Variants in CACNA1B observed in about 807,000 individuals in gnomAD.
CACNA1B encodes the protein voltage-dependent N-type calcium channel subunit alpha-1B.
CACNA1B carries 70 observed loss-of-function variants against 247.2 expected under a neutral mutation model. That is an observed-to-expected ratio of 0.28 (90% CI 0.23 to 0.35). The LOEUF (loss-of-function observed/expected upper bound fraction) is 0.35. Among genes scored for constraint, CACNA1B ranks in the 10% least tolerant of loss-of-function variants. CACNA1B has a pLI of 1.00. For missense variants in CACNA1B, 2,367 were observed against 3,197.4 expected, an observed-to-expected ratio of 0.74 and a Z score of 6.26; for synonymous variants, 1,231 against 1,294.4, an observed-to-expected ratio of 0.95 and a Z score of 1.05.
At chr9:137,995,503 C>T (rs1282129240) in intron 15 of CACNA1B, among the ~76,000 whole-genome samples, 1 of 152,152 alleles carries the variant, frequency 6.6e-6, no homozygotes, top group Non-Finnish European at 1.5e-5. Context: ...GAAACTGGAT[C>T]CTCATCTCTC....
intron 22 of CACNA1B, 46 bp downstream of exon 22, chr9:138,047,079 A>T: frequency 6.4e-7 from 1 of 1,550,932 alleles, no homozygotes; most frequent in Non-Finnish European, 8.7e-7. Flanking sequence ...GTGGCGGGGG[A>T]GCTGGGTGCC....
intron 45 of CACNA1B, 105 bp downstream of exon 45, chr9:138,120,477 C>A (rs1962047663): frequency 4.3e-6 from 6 of 1,393,758 alleles, no homozygotes; most frequent in Non-Finnish European, 5.8e-6. Flanking sequence ...CTCGTGACCC[C>A]ATAACCAGCC....
chr9:138,115,903 CAG>C (rs1336535873), intron 42 of CACNA1B, among the ~76,000 whole-genome samples: 2 of 152,244 alleles, frequency 1.3e-5, no homozygotes, highest in Non-Finnish European at 2.9e-5. Flanking sequence ...TCTCAGTTCT[CAG>C]GGGCTGGCTT....
At chr9:137,934,007 A>T (rs1378283350) in intron 6 of CACNA1B, among the ~76,000 whole-genome samples, 1 of 152,248 alleles carries the variant, frequency 6.6e-6, no homozygotes, top group Non-Finnish European at 1.5e-5. Context: ...ACTTTGGTTA[A>T]TTATTACAAA....
intron 21 of CACNA1B, 147 bp downstream of exon 21, chr9:138,044,047 G>A: frequency 1.8e-6 from 2 of 1,134,450 alleles, no homozygotes; most frequent in Non-Finnish European, 2.5e-6. Flanking sequence ...AGAGGCACGT[G>A]CCCGTGTGAC....
In CACNA1B at chr9:137,881,219, T is replaced by G. The variant is rs1236614022; in HGVS notation, c.391-1525T>G. Among the ~76,000 whole-genome samples, 2 of 151,894 alleles carry G rather than the reference T, an allele frequency of 1.3e-5. No homozygotes were observed. The highest frequency in any genetic ancestry group is 2.9e-5 in the Non-Finnish European group (2 of 67,976). ...GGAAAAGGGGTCCCTCCTAAACAAA[T>G]CAGACCAGAAGGCTCGAGGCCAGGA... is the stretch of plus-strand genomic sequence containing the variant. On this transcript the variant is annotated intron_variant, in intron 2 of 46. Transcript: ENST00000371372. This position sits in a 1 kb window ranked among gnomAD's most constrained non-coding sequence, Gnocchi z 4.3.
At chr9:138,061,196 G>A (rs190959509) in intron 31 of CACNA1B, among the ~76,000 whole-genome samples, 2 of 152,332 alleles carry the variant, frequency 1.3e-5, no homozygotes, top group East Asian at 3.9e-4. Context: ...AGATGATCTG[G>A]CTGGCATGGA....
At chr9:138,078,985 G>A (rs528902962) in intron 36 of CACNA1B, among the ~76,000 whole-genome samples, 1 of 152,176 alleles carries the variant, frequency 6.6e-6, no homozygotes, top group African/African-American at 2.4e-5. Context: ...CAGCAGAGAT[G>A]CCCAGCGACC....
intron 12 of CACNA1B, among the ~76,000 whole-genome samples, chr9:137,978,191 G>GCC (rs369971150): frequency 3.0e-4 from 34 of 113,872 alleles, no homozygotes; most frequent in African/African-American, 6.3e-4. Context: ...TGGGAGCATT[G>GCC]CCCCCCCCCA....
chr9:138,023,128 G>A lies in CACNA1B; in HGVS notation c.2385G>A (p.Glu795=), dbSNP rs199877794. The A allele has an allele frequency of 2.6e-6, 4 of 1,536,904 alleles. No homozygotes were observed. In the South Asian group the frequency reaches 3.6e-5, roughly 14 times the overall value. The change falls in exon 19 of 47, where the codon GAG becomes GAA. Residue 795 remains glutamate (E), a synonymous_variant. Coordinates refer to ENST00000371372, the MANE Select transcript of CACNA1B (RefSeq NM_000718.4). ...EALYSEMDPE[E]RLRFATTRHL... The stretch of plus-strand genomic sequence containing the variant: ...TGTACAGCGAGATGGACCCCGAGGA[G>A]CGGCTGCGCTTCGCCACTACGCGCC...
At chr9:138,070,343 G>A (rs894777171) in intron 32 of CACNA1B, among the ~76,000 whole-genome samples, 5 of 152,200 alleles carry the variant, frequency 3.3e-5, no homozygotes, top group Admixed American at 6.5e-5. Flanking sequence ...CATGATTCAG[G>A]AGGGTTCTTG....
At chr9:138,004,937 ATCG>A (rs1366380026) in intron 15 of CACNA1B, among the ~76,000 whole-genome samples, 1 of 152,254 alleles carries the variant, frequency 6.6e-6, no homozygotes, top group Non-Finnish European at 1.5e-5. Flanking sequence ...ACAGTGAGGT[ATCG>A]TCTCACCCAT....
intron 31 of CACNA1B, among the ~76,000 whole-genome samples, chr9:138,068,224 G>T (rs1290367248): frequency 6.6e-6 from 1 of 152,178 alleles, no homozygotes; most frequent in African/African-American, 2.4e-5. Flanking sequence ...TTAACAAGAA[G>T]GGAAGGTAGT....
At chr9:138,107,221 TATTTA>T (rs1961459253) in intron 39 of CACNA1B, among the ~76,000 whole-genome samples, 1 of 86,080 alleles carries the variant, frequency 1.2e-5, no homozygotes, top group South Asian at 4.3e-4. Context: ...CATCTTATTT[TATTTA>T]TTTATTTATT....
intron 15 of CACNA1B, among the ~76,000 whole-genome samples, chr9:138,003,981 C>T (rs1026129946): frequency 2.6e-5 from 4 of 151,888 alleles, no homozygotes; most frequent in Admixed American, 2.6e-4. Flanking sequence ...CGTGACAGTG[C>T]CATGGGTGGT....
At chr9:138,003,308 G>T (rs1258006606) in intron 15 of CACNA1B, among the ~76,000 whole-genome samples, 1 of 151,402 alleles carries the variant, frequency 6.6e-6, no homozygotes, top group Admixed American at 6.6e-5. Flanking sequence ...GAGTAGCTGG[G>T]ACTACAGGTG....
intron 7 of CACNA1B, among the ~76,000 whole-genome samples, chr9:137,953,435 G>C (rs1056206238): frequency 6.6e-6 from 1 of 152,210 alleles, no homozygotes; most frequent in African/African-American, 2.4e-5. Flanking sequence ...CCAGAGTGGG[G>C]ATGGCTGGAG....
rs1958762297 is a variant in CACNA1B, at chr9:138,014,217, T to C, written c.2267+982T>C. On this transcript the variant is annotated intron_variant, in intron 18 of 46. Transcript: ENST00000371372. The surrounding 1 kb of genome is among the most constrained non-coding windows in gnomAD (Gnocchi z 6.2). ...CATGCTGGCATGTGGATGAGTGTGC[T>C]AGGTGTGTGTGTGTGCACTTGAGAG... Among the ~76,000 whole-genome samples, 1 of 152,204 alleles carries C rather than the reference T, an allele frequency of 6.6e-6. No individual in the cohort carries two copies. Among genetic ancestry groups the C allele is most frequent in the South Asian group, 2.1e-4 (1 of 4,828 alleles).
intron 3 of CACNA1B, among the ~76,000 whole-genome samples, chr9:137,897,285 A>C (rs1479521063): frequency 1.3e-5 from 2 of 152,022 alleles, no homozygotes; most frequent in Non-Finnish European, 2.9e-5. Flanking sequence ...TAATACTATA[A>C]ATTTGCTTCT....
Sources: gnomAD v4.1 joint callset for allele counts (sites outside exome capture counted in the v4.1 genomes callset) on GRCh38, gnomAD v4.1.1 for gene constraint, Gnocchi (gnomAD v3.1) non-coding constraint, MANE v1.5 for transcripts, NCBI Gene and HGNC (gene_info 2026-07-23, HGNC 2026-07-21) for gene names.